Variants in TSC22D1 observed in about 807,000 individuals in gnomAD.
The protein encoded by TSC22D1 is TSC22 domain family member 1.
TSC22D1 carries 9 observed loss-of-function variants against 74.2 expected under a neutral mutation model. The ratio of observed to expected loss-of-function variants is 0.12; its 90% CI spans 0.07 to 0.21. The LOEUF (loss-of-function observed/expected upper bound fraction) is 0.21, where lower values mean the gene tolerates loss of function less well. Among genes scored for constraint, TSC22D1 ranks in the 10% least tolerant of loss-of-function variants. TSC22D1 has a pLI of 1.00. For missense variants in TSC22D1, 1,427 were observed against 1,304.7 expected (o/e 1.09, Z -1.44); for synonymous variants, 586 against 492.5 (o/e 1.19, Z -2.51).
At chr13:44,545,964 G>A (rs1012659320) in intron 1 of TSC22D1, among the ~76,000 whole-genome samples, 3 of 150,630 alleles carry the variant, frequency 2.0e-5, no homozygotes, top group Non-Finnish European at 4.4e-5. Flanking sequence ...GTGACAGAGC[G>A]AGACTCCGTC....
In TSC22D1 at chr13:44,452,402, C is replaced by T. The variant is rs190880990; in HGVS notation, c.2913-16307G>A. Among the ~76,000 whole-genome samples the T allele has an allele frequency of 5.4e-3, 821 of 152,270 alleles. 1 individual carries two copies. Among genetic ancestry groups the T allele is most frequent in the Non-Finnish European group, 9.7e-3 (657 of 68,016 alleles). ...TTGAAGTTTATGGCCTCCTCTGTGC[C>T]CGCCCACCTGCCTAATGTGTGGATG... On this transcript the variant is annotated intron_variant, in intron 1 of 2. Transcript: ENST00000458659.
intron 1 of TSC22D1, among the ~76,000 whole-genome samples, chr13:44,490,663 C>T (rs566003825): frequency 1.4e-3 from 207 of 151,926 alleles, no homozygotes; most frequent in African/African-American, 4.6e-3. Flanking sequence ...TCTGAGAGAC[C>T]GAGGCGGGCA....
intron 1 of TSC22D1, among the ~76,000 whole-genome samples, chr13:44,494,660 C>T (rs1054852198): frequency 6.6e-6 from 1 of 151,996 alleles, no homozygotes; most frequent in Non-Finnish European, 1.5e-5. Flanking sequence ...ATCTGAATTC[C>T]AGCATTATCA....
At chr13:44,520,536 A>C (rs1007679416) in intron 1 of TSC22D1, among the ~76,000 whole-genome samples, 1 of 152,182 alleles carries the variant, frequency 6.6e-6, no homozygotes, top group African/African-American at 2.4e-5. Context: ...GATATAAATC[A>C]ATGAAAGTTT....
chr13:44,442,557 G>A (rs1425516646), intron 1 of TSC22D1, among the ~76,000 whole-genome samples: 1 of 152,170 alleles, frequency 6.6e-6, no homozygotes, highest in East Asian at 1.9e-4. Context: ...TAGGACAGAA[G>A]TAGTATTAGT....
intron 1 of TSC22D1, among the ~76,000 whole-genome samples, chr13:44,557,281 T>C: frequency 6.6e-6 from 1 of 150,884 alleles, no homozygotes; most frequent in East Asian, 2.0e-4. Flanking sequence ...GCCAATGTGG[T>C]AAAACCCTGT....
intron 1 of TSC22D1, among the ~76,000 whole-genome samples, chr13:44,463,692 A>G (rs982557062): frequency 6.6e-6 from 1 of 152,224 alleles, no homozygotes; most frequent in African/African-American, 2.4e-5. Flanking sequence ...CATTTGCTCT[A>G]AAGATATAAT....
chr13:44,436,958 C>G, intron 1 of TSC22D1: 1 of 1,012,634 alleles, frequency 9.9e-7, no homozygotes, highest in Non-Finnish European at 1.2e-6. Context: ...CAGGTCCTCC[C>G]GCTTCCCTGC....
chr13:44,517,829 GTA>G (rs1555269397), intron 1 of TSC22D1, among the ~76,000 whole-genome samples: 9 of 14,134 alleles, frequency 6.4e-4, no homozygotes, highest in Admixed American at 1.8e-3. Context: ...GTGTGTGTGT[GTA>G]TATATATATA....
intron 1 of TSC22D1, among the ~76,000 whole-genome samples, chr13:44,543,035 T>C (rs1458523675): frequency 6.6e-6 from 1 of 152,184 alleles, no homozygotes; most frequent in Admixed American, 6.5e-5. Context: ...CTACCTCAAA[T>C]GGCTGTTATA....
At chr13:44,438,673 A>G (rs1383643717) in intron 1 of TSC22D1, among the ~76,000 whole-genome samples, 1 of 152,106 alleles carries the variant, frequency 6.6e-6, no homozygotes, top group Non-Finnish European at 1.5e-5. Flanking sequence ...AAAATTACAT[A>G]TATTAACTCA....
At chr13:44,494,658 T>C (rs1212147295) in intron 1 of TSC22D1, among the ~76,000 whole-genome samples, 1 of 152,028 alleles carries the variant, frequency 6.6e-6, no homozygotes, top group East Asian at 1.9e-4. Context: ...GAATCTGAAT[T>C]CCAGCATTAT....
At chr13:44,552,841 A>G (rs9595152) in intron 1 of TSC22D1, among the ~76,000 whole-genome samples, 2,839 of 152,126 alleles carry the variant, frequency 0.019, 81 homozygotes, top group African/African-American at 0.065. Context: ...GCAAAAAATT[A>G]GCCGGGTGTG....
In TSC22D1 at chr13:44,509,829, G is replaced by C. The variant is rs150188314; in HGVS notation, c.2912+63334C>G. The stretch of plus-strand genomic sequence containing the variant: ...TGAAGATGCAGTAAGAATATGTAAT[G>C]GTTCACTAACAGAAAAAAGAGACAG... On this transcript the variant is annotated intron_variant, in intron 1 of 2. Coordinates refer to ENST00000458659, the MANE Select transcript of TSC22D1 (RefSeq NM_183422.4). 3.5e-3 allele frequency among the ~76,000 whole-genome samples: 530 copies of C among 151,292 alleles called. 2 individuals carry two copies. Among genetic ancestry groups the C allele is most frequent in the Non-Finnish European group, 5.6e-3 (381 of 67,832 alleles).
rs71070905 is a variant in TSC22D1, at chr13:44,444,278, C to CAAAAAAAAAAAAAAAA, written c.2913-8199_2913-8184dup. Among the ~76,000 whole-genome samples the CAAAAAAAAAAAAAAAA allele has an allele frequency of 2.0e-3, 36 of 17,598 alleles. 2 individuals carry two copies. Among genetic ancestry groups the CAAAAAAAAAAAAAAAA allele is most frequent in the Admixed American group, 5.7e-3 (5 of 880 alleles). 11.5% of individuals were successfully genotyped at this position (17,598 alleles called of 152,430 possible). The stretch of plus-strand genomic sequence containing the variant: ...TGGGGAACAGAGCAAGACTCTGTCT[C>CAAAAAAAAAAAAAAAA]AAAAAAAAAAAAAAAAAAAAAAAAA... On this transcript the variant is annotated intron_variant, in intron 1 of 2. Transcript: ENST00000458659.
At chr13:44,511,292 A>AT (rs1229099063) in intron 1 of TSC22D1, among the ~76,000 whole-genome samples, 2 of 152,124 alleles carry the variant, frequency 1.3e-5, no homozygotes, top group Non-Finnish European at 2.9e-5. Flanking sequence ...TCAAAAAAAA[A>AT]CCAAAAAAAA....
intron 1 of TSC22D1, among the ~76,000 whole-genome samples, chr13:44,526,409 TC>T (rs1304802585): frequency 6.6e-6 from 1 of 151,328 alleles, no homozygotes; most frequent in East Asian, 1.9e-4. Flanking sequence ...TACCAGATCA[TC>T]TGCACATGGC....
At chr13:44,444,220 A>C (rs1415765856) in intron 1 of TSC22D1, among the ~76,000 whole-genome samples, 1 of 133,922 alleles carries the variant, frequency 7.5e-6, no homozygotes, top group Non-Finnish European at 1.6e-5. Flanking sequence ...CAGAGGCTGC[A>C]GTGACTCAAG....
At chr13:44,546,691 A>G (rs371449907) in intron 1 of TSC22D1, among the ~76,000 whole-genome samples, 3 of 152,034 alleles carry the variant, frequency 2.0e-5, no homozygotes, top group East Asian at 1.9e-4. Flanking sequence ...ATGGTTATAC[A>G]TGATACAAAC....
Sources: allele counts gnomAD v4.1 joint callset (sites outside exome capture counted in the v4.1 genomes callset), GRCh38; gene constraint gnomAD v4.1.1; transcripts MANE v1.5; gene names NCBI Gene and HGNC (gene_info 2026-07-23, HGNC 2026-07-21).